TMEFF2: variants seen among roughly 807,000 people sequenced by gnomAD.
TMEFF2 encodes tomoregulin-2.
In TMEFF2, 28 loss-of-function variants were observed where a neutral mutation model predicts 53.8. That is an observed-to-expected ratio of 0.52 (90% CI 0.39 to 0.71). The LOEUF (loss-of-function observed/expected upper bound fraction) is 0.71. TMEFF2 is among the 30% of genes least tolerant of loss of function. The probability of loss-of-function intolerance (pLI) is 0.00; values close to 1 mark genes in which losing one functional copy is unlikely to be tolerated. For missense variants in TMEFF2, 353 were observed against 455.2 expected, an observed-to-expected ratio of 0.78 and a Z score of 2.04; for synonymous variants, 162 against 166.3, an observed-to-expected ratio of 0.97 and a Z score of 0.20.
intron 5 of TMEFF2, among the ~76,000 whole-genome samples, chr2:192,050,985 T>C (rs867015565): frequency 5.1e-4 from 77 of 151,948 alleles, no homozygotes; most frequent in African/African-American, 1.8e-3. Flanking sequence ...TTTGGGCAAA[T>C]GGAATCATTA....
intron 4 of TMEFF2, among the ~76,000 whole-genome samples, chr2:192,081,516 T>C (rs1688551538): frequency 6.6e-6 from 1 of 152,222 alleles, no homozygotes; most frequent in Non-Finnish European, 1.5e-5. Flanking sequence ...GAATCAACTG[T>C]GCTAAAATAT....
At chr2:192,122,734 C>T (rs528889538) in intron 4 of TMEFF2, among the ~76,000 whole-genome samples, 2 of 152,122 alleles carry the variant, frequency 1.3e-5, no homozygotes, top group African/African-American at 4.8e-5. Context: ...GATAACACTA[C>T]ATATAAATAA....
chr2:192,080,610 T>C (rs1476784162), intron 4 of TMEFF2, among the ~76,000 whole-genome samples: 1 of 152,202 alleles, frequency 6.6e-6, no homozygotes, highest in African/African-American at 2.4e-5. Context: ...AGTAAGTCAA[T>C]TTGATATTTC....
intron 4 of TMEFF2, among the ~76,000 whole-genome samples, chr2:192,061,406 AAT>A (rs1482175904): frequency 2.6e-5 from 4 of 152,170 alleles, no homozygotes; most frequent in Admixed American, 1.3e-4. Flanking sequence ...AAAAAATAAA[AAT>A]AGAGTATAAC....
At chr2:192,025,114 T>G (rs1162488563) in intron 5 of TMEFF2, among the ~76,000 whole-genome samples, 1 of 152,184 alleles carries the variant, frequency 6.6e-6, no homozygotes. Flanking sequence ...TGCATGGTAG[T>G]TAGTGAGGAA....
Position 191,949,300 on chromosome 2 carries a change from A to G in TMEFF2, c.*1011T>C, listed in dbSNP as rs1220945771. The G allele has an allele frequency of 1.0e-6, 1 of 985,406 alleles. No homozygotes were observed. Among genetic ancestry groups the G allele is most frequent in the East Asian group, 1.1e-4 (1 of 8,822 alleles). The allele number at this position is 985,406 out of a possible 1,614,324, so 61.0% of individuals were successfully genotyped here. ...TTACCTCACCACATAAATATGCTCA[A>G]AACATCTCTCTGTTTTCATGAAATA... On this transcript the variant is annotated 3_prime_UTR_variant, in exon 10 of 10. Coordinates refer to ENST00000272771, the MANE Select transcript of TMEFF2 (RefSeq NM_016192.4).
At chr2:191,950,767 G>C (rs1270052089) in intron 9 of TMEFF2, among the ~76,000 whole-genome samples, 2 of 152,064 alleles carry the variant, frequency 1.3e-5, no homozygotes, top group African/African-American at 4.8e-5. Context: ...TATTTCAAAT[G>C]TCCTAAGAAT....
At chr2:192,082,188 T>C (rs371243370) in intron 4 of TMEFF2, among the ~76,000 whole-genome samples, 1 of 152,220 alleles carries the variant, frequency 6.6e-6, no homozygotes, top group Non-Finnish European at 1.5e-5. Context: ...TTATATTGTT[T>C]GAAACATTTG....
chr2:192,163,639 C>T (rs1235550874), intron 4 of TMEFF2, among the ~76,000 whole-genome samples: 4 of 152,174 alleles, frequency 2.6e-5, no homozygotes, highest in Admixed American at 6.5e-5. Context: ...CCCAAAAGTA[C>T]ATCAATCTGT....
intron 4 of TMEFF2, among the ~76,000 whole-genome samples, chr2:192,058,998 A>T (rs1687981940): frequency 6.6e-6 from 1 of 152,076 alleles, no homozygotes; most frequent in African/African-American, 2.4e-5. Context: ...CAAGTTTTTC[A>T]TACTTATAAA....
In TMEFF2 at chr2:192,116,895, A is replaced by T. The variant is rs115123851; in HGVS notation, c.440-59120T>A. Among the ~76,000 whole-genome samples the T allele has an allele frequency of 4.9e-3, 750 of 152,204 alleles. 7 individuals carry two copies. The highest frequency in any genetic ancestry group is 0.017 in the African/African-American group (727 of 41,570). On this transcript the variant is annotated intron_variant, in intron 4 of 9. Coordinates refer to ENST00000272771, the MANE Select transcript of TMEFF2 (RefSeq NM_016192.4). The stretch of plus-strand genomic sequence containing the variant: ...GCTGATAAGAGTTTGTAAACCTTTT[A>T]AGCAAGAGATCAAACATCTATGGCT...
intron 5 of TMEFF2, among the ~76,000 whole-genome samples, chr2:192,048,675 T>C (rs566742474): frequency 2.0e-5 from 3 of 152,312 alleles, no homozygotes; most frequent in African/African-American, 7.2e-5. Flanking sequence ...TTTATTTTTA[T>C]TTAATTTGGT....
intron 4 of TMEFF2, among the ~76,000 whole-genome samples, chr2:192,099,016 T>G (rs1311508128): frequency 2.6e-5 from 4 of 152,096 alleles, no homozygotes; most frequent in African/African-American, 9.7e-5. Context: ...CCAAAACCAC[T>G]TTAGTACTTG....
At chr2:192,107,403 T>C (rs546733994) in intron 4 of TMEFF2, among the ~76,000 whole-genome samples, 2 of 151,812 alleles carry the variant, frequency 1.3e-5, no homozygotes, top group East Asian at 3.9e-4. Flanking sequence ...GAAAACTTTA[T>C]GTTCTCTTCT....
intron 4 of TMEFF2, among the ~76,000 whole-genome samples, chr2:192,075,318 T>C (rs1004540375): frequency 5.8e-5 from 5 of 85,608 alleles, no homozygotes; most frequent in South Asian, 3.1e-4. Flanking sequence ...TATATATATA[T>C]ATATATATAT....
chr2:192,159,335 C>A (rs559289472), intron 4 of TMEFF2, among the ~76,000 whole-genome samples: 51 of 152,236 alleles, frequency 3.4e-4, no homozygotes, highest in African/African-American at 1.2e-3. Flanking sequence ...AATAGATTGT[C>A]TCCTGTTCCC....
intron 4 of TMEFF2, among the ~76,000 whole-genome samples, chr2:192,141,961 A>G (rs748927580): frequency 9.9e-5 from 15 of 152,214 alleles, no homozygotes; most frequent in Non-Finnish European, 1.9e-4. Flanking sequence ...AGAATCAAGT[A>G]TATATTATCA....
intron 7 of TMEFF2, among the ~76,000 whole-genome samples, chr2:191,974,356 C>T (rs4257344): frequency 9.5e-4 from 144 of 151,966 alleles, no homozygotes; most frequent in African/African-American, 3.2e-3. Context: ...ATAGGTGTTT[C>T]GCATACTACT....
intron 4 of TMEFF2, among the ~76,000 whole-genome samples, chr2:192,069,706 G>C (rs996426986): frequency 1.3e-5 from 2 of 151,670 alleles, no homozygotes; most frequent in Non-Finnish European, 2.9e-5. Flanking sequence ...ATGAGTTTTA[G>C]AGAAAATTTT....
Sources: allele counts gnomAD v4.1 joint callset (sites outside exome capture counted in the v4.1 genomes callset), GRCh38; gene constraint gnomAD v4.1.1; transcripts MANE v1.5; gene names NCBI Gene and HGNC (gene_info 2026-07-23, HGNC 2026-07-21).